Variants in INO80 observed in about 807,000 individuals in gnomAD.
INO80 encodes chromatin-remodeling ATPase INO80.
A neutral mutation model predicts 203.4 loss-of-function variants in INO80; 20 were observed. The ratio of observed to expected loss-of-function variants is 0.10; its 90% CI spans 0.07 to 0.14. The LOEUF (loss-of-function observed/expected upper bound fraction) is 0.14. Ranked by LOEUF, INO80 falls within the 10% of genes least tolerant of loss-of-function variation. The pLI, the probability that INO80 is intolerant of heterozygous loss-of-function variation, is 1.00. For missense variants in INO80, 1,419 were observed against 1,914.4 expected (o/e 0.74, Z 4.83); for synonymous variants, 726 against 685.2 (o/e 1.06, Z -0.93).
intron 24 of INO80, among the ~76,000 whole-genome samples, chr15:41,041,632 G>A (rs974694570): frequency 6.6e-6 from 1 of 151,446 alleles, no homozygotes; most frequent in African/African-American, 2.4e-5. Context: ...TAGTAGAGAC[G>A]GGGTTTCACT....
chr15:41,069,502 G>A, intron 14 of INO80, 68 bp downstream of exon 14: 1 of 916,100 alleles, frequency 1.1e-6, no homozygotes, highest in Non-Finnish European at 1.7e-6. Flanking sequence ...AATTAGTAGG[G>A]CAAGAAAAGG....
At chr15:40,983,200 G>A in intron 34 of INO80, 123 bp from the exon 35 acceptor site, 1 of 683,980 alleles carries the variant, frequency 1.5e-6, no homozygotes, top group South Asian at 1.9e-5. Flanking sequence ...GGACCCATGA[G>A]GAGGTCTATG....
At chr15:41,015,349 A>G (rs1037255178) in intron 27 of INO80, among the ~76,000 whole-genome samples, 7 of 152,192 alleles carry the variant, frequency 4.6e-5, no homozygotes, top group African/African-American at 1.2e-4. Flanking sequence ...ATTTTTTTAA[A>G]GCTTCTCAGG....
At chr15:41,105,277 G>C (rs967177149) in intron 1 of INO80, among the ~76,000 whole-genome samples, 1 of 152,216 alleles carries the variant, frequency 6.6e-6, no homozygotes, top group South Asian at 2.1e-4. Context: ...AAAAAGCTTG[G>C]GGGTTGGGGG....
At chr15:41,041,856 G>A (rs2140512378) in intron 24 of INO80, among the ~76,000 whole-genome samples, 1 of 144,648 alleles carries the variant, frequency 6.9e-6, no homozygotes, top group African/African-American at 2.5e-5. Flanking sequence ...TTTTTTTGAG[G>A]CAGGGTCTCG....
chr15:41,038,824 A>G (rs2044622124), intron 24 of INO80, among the ~76,000 whole-genome samples: 1 of 152,316 alleles, frequency 6.6e-6, no homozygotes, highest in African/African-American at 2.4e-5. Context: ...TACAAATAAC[A>G]AAGATCCCAA....
intron 4 of INO80, among the ~76,000 whole-genome samples, chr15:41,094,247 C>A (rs573923653): frequency 1.2e-3 from 190 of 152,318 alleles, no homozygotes; most frequent in Non-Finnish European, 2.1e-3. Context: ...TAGACAAAGC[C>A]TGTGTGATCA....
intron 24 of INO80, among the ~76,000 whole-genome samples, chr15:41,040,208 T>C (rs117719692): frequency 6.6e-6 from 1 of 152,132 alleles, no homozygotes; most frequent in Non-Finnish European, 1.5e-5. Context: ...GAAAATATGA[T>C]AAAATAAAAT....
At chr15:40,985,741 C>G (rs1428929969) in intron 31 of INO80, among the ~76,000 whole-genome samples, 1 of 152,088 alleles carries the variant, frequency 6.6e-6, no homozygotes, top group Non-Finnish European at 1.5e-5. Context: ...GAAACCCCAT[C>G]TCTATAAAAA....
At chr15:41,064,296 T>C (rs983067672) in intron 14 of INO80, among the ~76,000 whole-genome samples, 10 of 152,218 alleles carry the variant, frequency 6.6e-5, no homozygotes, top group African/African-American at 2.2e-4. Context: ...AAAAAGTTTC[T>C]TTTACCAATG....
intron 29 of INO80, 50 bp downstream of exon 29, chr15:40,997,479 T>C: frequency 8.2e-7 from 1 of 1,219,296 alleles, no homozygotes; most frequent in Non-Finnish European, 1.2e-6. Flanking sequence ...CATAGTAGGT[T>C]TCATAGTAGA....
chr15:41,014,998 C>G lies in INO80; in HGVS notation c.3402+1090G>C, dbSNP rs552458086. 2.0e-4 allele frequency among the ~76,000 whole-genome samples: 30 copies of G among 152,324 alleles called. 2 individuals carry two copies. In the South Asian group the frequency reaches 5.0e-3, roughly 25 times the overall value. On this transcript the variant is annotated intron_variant, in intron 27 of 35. Transcript: ENST00000648947. ...CATGAGAACATTTATGTACTTCTGACAACCAGGTACTTCTGCCTCTCAAAC... is the reference window on the plus strand; with the variant it reads ...CATGAGAACATTTATGTACTTCTGAGAACCAGGTACTTCTGCCTCTCAAAC...
chr15:41,099,323 A>G (rs28837496), intron 1 of INO80, among the ~76,000 whole-genome samples: 8 of 146,646 alleles, frequency 5.5e-5, no homozygotes, highest in South Asian at 2.2e-4. Context: ...AGAAAAAGGG[A>G]AAAAAAAAAT....
chr15:41,084,831 C>G (rs908150266), intron 7 of INO80, among the ~76,000 whole-genome samples: 1 of 152,184 alleles, frequency 6.6e-6, no homozygotes, highest in African/African-American at 2.4e-5. Flanking sequence ...CCTCAACCTC[C>G]TGGGCTCTAT....
intron 19 of INO80, among the ~76,000 whole-genome samples, chr15:41,050,910 G>A (rs546145694): frequency 6.6e-6 from 1 of 152,034 alleles, no homozygotes; most frequent in South Asian, 2.1e-4. Flanking sequence ...GAGGCAGGCA[G>A]ATCACAGGTC....
chr15:41,067,779 G>A (rs1011112885), intron 14 of INO80, among the ~76,000 whole-genome samples: 3 of 152,092 alleles, frequency 2.0e-5, no homozygotes, highest in African/African-American at 7.2e-5. Flanking sequence ...AAATCACAGA[G>A]ATCATGTCAA....
At chr15:41,094,086 A>G (rs1265813351) in intron 4 of INO80, among the ~76,000 whole-genome samples, 5 of 152,236 alleles carry the variant, frequency 3.3e-5, no homozygotes, top group Non-Finnish European at 5.9e-5. Flanking sequence ...TAAAAGAGAA[A>G]TAATTAGTTT....
In INO80 at chr15:41,106,847, G is replaced by A. The variant is rs1018528211; in HGVS notation, c.-44+9126C>T. Among the ~76,000 whole-genome samples, 11 of 152,172 alleles carry A rather than the reference G, an allele frequency of 7.2e-5. No homozygotes were observed. In the South Asian group the frequency reaches 2.3e-3, roughly 32 times the overall value. ...AAAGATTATTCTAGCCTCCTGCCTC[G>A]CTTATCTGTAAATTCCACTCCAACA... On this transcript the variant is annotated intron_variant, in intron 1 of 35. Coordinates refer to ENST00000648947, the MANE Select transcript of INO80 (RefSeq NM_017553.3).
chr15:40,979,562 T>A lies in INO80; in HGVS notation c.*661A>T, dbSNP rs1893737480. The A allele has an allele frequency of 6.5e-6, 1 of 153,560 alleles. No individual in the cohort carries two copies. The highest frequency in any genetic ancestry group is 2.4e-5 in the African/African-American group (1 of 41,468). The allele number at this position is 153,560 out of a possible 1,614,324, so 9.5% of individuals were successfully genotyped here. The stretch of plus-strand genomic sequence containing the variant: ...TCCCCTGGGTGGAAGGTGCTACGGT[T>A]GCTGGTAGGATCTGAAGGTTCTCTT... On this transcript the variant is annotated 3_prime_UTR_variant, in exon 36 of 36. Transcript: ENST00000648947.
Sources: allele counts gnomAD v4.1 joint callset (sites outside exome capture counted in the v4.1 genomes callset), GRCh38; gene constraint gnomAD v4.1.1; transcripts MANE v1.5; gene names NCBI Gene and HGNC (gene_info 2026-07-23, HGNC 2026-07-21).